Variants in PIGK observed in about 807,000 individuals in gnomAD.
The protein encoded by PIGK is phosphatidylinositol glycan anchor biosynthesis class K.
A neutral mutation model predicts 50.6 loss-of-function variants in PIGK; 42 were observed. That is an observed-to-expected ratio of 0.83 (90% CI 0.65 to 1.07). PIGK has a LOEUF of 1.07. Among genes scored for constraint, PIGK ranks in the 50% least tolerant of loss-of-function variants. The probability of loss-of-function intolerance (pLI) is 0.00; values close to 1 mark genes in which losing one functional copy is unlikely to be tolerated. For missense variants in PIGK, 448 were observed against 488.7 expected, an observed-to-expected ratio of 0.92 and a Z score of 0.78; for synonymous variants, 151 against 156.0, an observed-to-expected ratio of 0.97 and a Z score of 0.24.
At chr1:77,195,302 A>C in intron 3 of PIGK, 4 of 1,340,328 alleles carry the variant, frequency 3.0e-6, no homozygotes, top group Non-Finnish European at 4.2e-6. Context: ...GGAGCAGGGA[A>C]GAAAGGCTGT....
intron 1 of PIGK, among the ~76,000 whole-genome samples, chr1:77,216,579 G>A (rs1656570344): frequency 6.6e-6 from 1 of 152,044 alleles, no homozygotes; most frequent in Non-Finnish European, 1.5e-5. Context: ...AAATTGACAT[G>A]ATAAATATAG....
chr1:77,093,913 G>C (rs774250466), intron 10 of PIGK, among the ~76,000 whole-genome samples: 6 of 152,086 alleles, frequency 3.9e-5, no homozygotes, highest in Non-Finnish European at 5.9e-5. Flanking sequence ...AGTGCTTTCT[G>C]TGCAATACTG....
At chr1:77,175,568 T>TA (rs969235233) in intron 3 of PIGK, among the ~76,000 whole-genome samples, 8 of 151,746 alleles carry the variant, frequency 5.3e-5, no homozygotes, top group Admixed American at 6.6e-5. Context: ...TTGTTTTTGG[T>TA]AAAAAAAAAT....
chr1:77,141,194 GC>G (rs11290883), intron 9 of PIGK, among the ~76,000 whole-genome samples: 23,574 of 152,068 alleles, frequency 0.16, 2,883 homozygotes, highest in African/African-American at 0.34. Context: ...TTCAGGCCAA[GC>G]AAACTAAGTC....
At chr1:77,108,483 T>C (rs1474307544) in intron 10 of PIGK, among the ~76,000 whole-genome samples, 6 of 152,160 alleles carry the variant, frequency 3.9e-5, no homozygotes, top group Admixed American at 3.9e-4. Context: ...GGGCTTCCCT[T>C]TGTGGGTAAC....
intron 1 of PIGK, among the ~76,000 whole-genome samples, chr1:77,212,695 C>CT (rs1656448369): frequency 6.6e-6 from 1 of 152,048 alleles, no homozygotes; most frequent in South Asian, 2.1e-4. Flanking sequence ...AAATCAAAAA[C>CT]TATAAAAAAG....
intron 1 of PIGK, among the ~76,000 whole-genome samples, chr1:77,218,002 T>G (rs1190790311): frequency 6.6e-6 from 1 of 152,242 alleles, no homozygotes; most frequent in African/African-American, 2.4e-5. Context: ...CTAAAAATTA[T>G]GCTATATAAA....
intron 1 of PIGK, among the ~76,000 whole-genome samples, chr1:77,217,220 T>G (rs1656588753): frequency 6.6e-6 from 1 of 152,146 alleles, no homozygotes; most frequent in Admixed American, 6.5e-5. Context: ...ATTGGATAGA[T>G]ATACATTTAA....
intron 3 of PIGK, among the ~76,000 whole-genome samples, chr1:77,182,241 T>G (rs892394216): frequency 5.9e-5 from 9 of 152,196 alleles, no homozygotes; most frequent in Non-Finnish European, 1.2e-4. Context: ...CTGTGATGGT[T>G]ACAACTGAGA....
chr1:77,185,786 C>T (rs1350362745), intron 3 of PIGK, among the ~76,000 whole-genome samples: 1 of 152,222 alleles, frequency 6.6e-6, no homozygotes, highest in African/African-American at 2.4e-5. Flanking sequence ...AGCAGGGATG[C>T]TGTTTGGAGC....
At chr1:77,160,365 C>A (rs1655105771) in intron 8 of PIGK, among the ~76,000 whole-genome samples, 1 of 152,090 alleles carries the variant, frequency 6.6e-6, no homozygotes, top group South Asian at 2.1e-4. Flanking sequence ...AATTTCACAG[C>A]CTATAGCAGT....
intron 10 of PIGK, among the ~76,000 whole-genome samples, chr1:77,111,801 T>A (rs1653851059): frequency 6.6e-6 from 1 of 152,000 alleles, no homozygotes; most frequent in Non-Finnish European, 1.5e-5. Context: ...AAGTAAACAT[T>A]AATTATTTCA....
intron 10 of PIGK, among the ~76,000 whole-genome samples, chr1:77,112,747 G>A (rs1340545375): frequency 6.6e-6 from 1 of 151,824 alleles, no homozygotes; most frequent in Non-Finnish European, 1.5e-5. Flanking sequence ...TTAAAAGCAG[G>A]TACAAATATA....
chr1:77,113,577 T>C (rs1381100531), intron 10 of PIGK, among the ~76,000 whole-genome samples: 2 of 151,890 alleles, frequency 1.3e-5, no homozygotes, highest in African/African-American at 4.8e-5. Flanking sequence ...GAAAGAGATT[T>C]AAAAAAAATA....
intron 6 of PIGK, 58 bp from the exon 7 acceptor site, chr1:77,161,769 A>G: frequency 1.3e-6 from 1 of 761,280 alleles, no homozygotes; most frequent in Non-Finnish European, 2.4e-6. Flanking sequence ...ATACACTAAT[A>G]TTTCTACAAT....
chr1:77,143,529 A>T (rs1654704159), intron 9 of PIGK, among the ~76,000 whole-genome samples: 1 of 152,144 alleles, frequency 6.6e-6, no homozygotes, highest in African/African-American at 2.4e-5. Context: ...ATATAAAAAA[A>T]TTTACATATA....
At chr1:77,202,237 A>G (rs1656186845) in intron 3 of PIGK, among the ~76,000 whole-genome samples, 1 of 152,154 alleles carries the variant, frequency 6.6e-6, no homozygotes. Context: ...TCACTCATTC[A>G]CTCTGCAACA....
rs140840177 is a variant in PIGK at position 77,112,927 on chromosome 1, G to A, written c.1071+9348C>T. On this transcript the variant is annotated intron_variant, in intron 10 of 10. Transcript: ENST00000370812. Reference sequence around the variant, plus strand: ...CCCCTAATACTATGGTTTACACTTCGCCCTTAAAACAAATACAGTTAGAAA... The same window carrying A: ...CCCCTAATACTATGGTTTACACTTCACCCTTAAAACAAATACAGTTAGAAA... 8.9e-4 allele frequency among the ~76,000 whole-genome samples: 135 copies of A among 152,080 alleles called. 1 individual carries two copies. In the East Asian group the frequency reaches 0.024, roughly 27 times the overall value.
rs377390211 is a variant in PIGK at position 77,097,616 on chromosome 1, G to T, written c.1072-5126C>A. Among the ~76,000 whole-genome samples the T allele has an allele frequency of 8.5e-4, 129 of 152,144 alleles. 2 individuals carry two copies. The South Asian group carries it at 0.025, about 30-fold the overall frequency. On this transcript the variant is annotated intron_variant, in intron 10 of 10. Transcript: ENST00000370812. The stretch of plus-strand genomic sequence containing the variant: ...CGTGATTTTAACTTTCCTGTGATAA[G>T]AACACCCATTGTTAACATTATTAGT...
Sources: allele counts gnomAD v4.1 joint callset (sites outside exome capture counted in the v4.1 genomes callset), GRCh38; gene constraint gnomAD v4.1.1; transcripts MANE v1.5; gene names NCBI Gene and HGNC (gene_info 2026-07-23, HGNC 2026-07-21).